Variants in PKP2 observed in about 807,000 individuals in gnomAD.
PKP2 encodes plakophilin-2.
PKP2 carries 73 observed loss-of-function variants against 83.4 expected under a neutral mutation model. The observed-to-expected ratio is 0.88, with a 90% CI of 0.72 to 1.06. PKP2 has a LOEUF of 1.06. Ranked by LOEUF, PKP2 falls within the 50% of genes least tolerant of loss-of-function variation. The pLI is 0.00. For missense variants in PKP2, 966 were observed against 1,065.4 expected (o/e 0.91, Z 1.30); for synonymous variants, 409 against 430.4 (o/e 0.95, Z 0.62).
rs1172703594 is a variant in PKP2, at chr12:32,843,316, G to A, written c.1379-2111C>T. 5.9e-6 allele frequency: 8 copies of A among 1,364,928 alleles called. No individual in the cohort carries two copies. Among genetic ancestry groups the A allele is most frequent in the Non-Finnish European group, 7.8e-6 (8 of 1,021,276 alleles). The allele number at this position is 1,364,928 out of a possible 1,614,324, so 84.6% of individuals were successfully genotyped here. On this transcript the variant is annotated intron_variant, in intron 5 of 12. Coordinates refer to ENST00000340811, the MANE Select transcript of PKP2 (RefSeq NM_001005242.3). ...ACTTCTTAAATTGACTGTATGGTCT[G>A]TACAAAGGAAAGAGGAAGCATAGGT...
chr12:32,889,310 T>C lies in PKP2; in HGVS notation c.223+7199A>G, dbSNP rs188495250. Among the ~76,000 whole-genome samples the C allele has an allele frequency of 2.5e-4, 38 of 152,350 alleles. No individual in the cohort carries two copies. The East Asian group carries it at 7.3e-3, about 29-fold the overall frequency. ...GGAATGCTGTGTTCAATAATTTTAC[T>C]CTTGCAGATAACAGTAAGAAACTGA... On this transcript the variant is annotated intron_variant, in intron 1 of 12. Transcript: ENST00000340811.
chr12:32,830,703 TC>T (rs1173882390), intron 6 of PKP2, among the ~76,000 whole-genome samples: 2 of 151,966 alleles, frequency 1.3e-5, no homozygotes, highest in African/African-American at 4.8e-5. Flanking sequence ...GGTCAGGAGT[TC>T]AAGACCGCCT....
At chr12:32,858,245 A>T (rs1956772574) in intron 4 of PKP2, among the ~76,000 whole-genome samples, 1 of 149,268 alleles carries the variant, frequency 6.7e-6, no homozygotes, top group South Asian at 2.1e-4. Context: ...TCAAGGCTGC[A>T]GTGAGCCATG....
intron 9 of PKP2, among the ~76,000 whole-genome samples, chr12:32,811,903 C>G (rs955709153): frequency 6.6e-6 from 1 of 152,156 alleles, no homozygotes; most frequent in Admixed American, 6.5e-5. Flanking sequence ...AATATCTTTA[C>G]ACCACACAGC....
At chr12:32,879,770 C>T (rs1565600096) in intron 1 of PKP2, among the ~76,000 whole-genome samples, 1 of 145,698 alleles carries the variant, frequency 6.9e-6, no homozygotes, top group East Asian at 2.0e-4. Context: ...GTGGAGGTTG[C>T]AGTGAAGCTG....
At chr12:32,848,884 C>T (rs1474956452) in intron 5 of PKP2, among the ~76,000 whole-genome samples, 1 of 151,360 alleles carries the variant, frequency 6.6e-6, no homozygotes, top group Non-Finnish European at 1.5e-5. Flanking sequence ...AAAATTAAAC[C>T]TATTATATAA....
chr12:32,809,275 G>T (rs1340640593), intron 9 of PKP2, among the ~76,000 whole-genome samples: 32 of 152,042 alleles, frequency 2.1e-4, no homozygotes, highest in Non-Finnish European at 4.4e-5. Context: ...AATGGATCAG[G>T]GTCCCACTTT....
At chr12:32,792,970 G>T (rs1956085559) in intron 11 of PKP2, 1 of 496,338 alleles carries the variant, frequency 2.0e-6, no homozygotes, top group Non-Finnish European at 3.7e-6. Flanking sequence ...TAGTTTATAG[G>T]CCAGGTGGGG....
chr12:32,793,502 A>G (rs2137700577), intron 11 of PKP2, among the ~76,000 whole-genome samples: 1 of 152,092 alleles, frequency 6.6e-6, no homozygotes, highest in South Asian at 2.1e-4. Flanking sequence ...CCCTTGTTAA[A>G]GCAGTTTCAA....
At chr12:32,851,942 C>G (rs1956700106) in intron 4 of PKP2, among the ~76,000 whole-genome samples, 1 of 152,148 alleles carries the variant, frequency 6.6e-6, no homozygotes, top group Non-Finnish European at 1.5e-5. Context: ...AGGGCACAAC[C>G]AGGAATGGGA....
chr12:32,891,347 T>A (rs1433793549), intron 1 of PKP2, among the ~76,000 whole-genome samples: 1 of 152,306 alleles, frequency 6.6e-6, no homozygotes, highest in African/African-American at 2.4e-5. Context: ...TTTATTATAT[T>A]TCATTACTAT....
In PKP2 at chr12:32,896,510, G is replaced by C. The variant is rs753180642; in HGVS notation, c.222C>G (p.Asn74Lys). The change falls in exon 1 of 13, where the codon AAC (asparagine) becomes AAG (lysine). Residue 74 changes from asparagine (N) to lysine (K), a missense_variant and splice_region_variant. By Grantham distance (94) the Asn-to-Lys change is moderately conservative. Transcript: ENST00000340811. Reference sequence around the variant, plus strand: ...CGGGGAGCGGCGGGCTCCACTCACCGTTGCCCACGGAGCTGCGGCCCTTCC... The same window carrying C: ...CGGGGAGCGGCGGGCTCCACTCACCCTTGCCCACGGAGCTGCGGCCCTTCC... ...LARKGRSSVG[N>K]GNLHRTSSVP... The C allele has an allele frequency of 2.0e-6, 3 of 1,517,916 alleles. No individual in the cohort carries two copies. The East Asian group carries it at 7.7e-5, about 39-fold the overall frequency. The allele number at this position is 1,517,916 out of a possible 1,614,324, so 94.0% of individuals were successfully genotyped here.
rs78897684 is a variant in PKP2 at position 32,824,163 on chromosome 12, C to G, written c.1557-1G>C. 5.6e-6 allele frequency: 9 copies of G among 1,605,594 alleles called. No homozygotes were observed. In the African/African-American group the frequency reaches 1.1e-4, roughly 19 times the overall value. On this transcript the variant is annotated splice_acceptor_variant, in intron 6 of 12. Transcript: ENST00000340811. LOFTEE classifies it high-confidence loss of function. ...ATCAGCGCCAGCAGAACTCATGTTT[C>G]TATCAGAAAAAACAAAAAACAAAAA... is the stretch of plus-strand genomic sequence containing the variant.
intron 4 of PKP2, among the ~76,000 whole-genome samples, chr12:32,862,261 T>A (rs1025165075): frequency 1.3e-5 from 2 of 152,148 alleles, no homozygotes; most frequent in African/African-American, 4.8e-5. Context: ...AAAATACCTT[T>A]CAAAAGCAAA....
chr12:32,798,892 C>G (rs1324604601), intron 10 of PKP2, among the ~76,000 whole-genome samples: 1 of 152,086 alleles, frequency 6.6e-6, no homozygotes, highest in Non-Finnish European at 1.5e-5. Flanking sequence ...AAAGCAAATG[C>G]AACAAAACCA....
At chr12:32,868,788 C>A in intron 4 of PKP2, 139 bp downstream of exon 4, 1 of 965,232 alleles carries the variant, frequency 1.0e-6, no homozygotes, top group South Asian at 1.4e-5. Context: ...TCCCAAAGTG[C>A]TGGGAATATA....
chr12:32,885,471 C>T (rs1037531997), intron 1 of PKP2, among the ~76,000 whole-genome samples: 9 of 152,074 alleles, frequency 5.9e-5, no homozygotes, highest in South Asian at 4.1e-4. Context: ...CTGGCCAACA[C>T]GGGGAAAGCC....
rs371756183 is a variant in PKP2 at position 32,836,851 on chromosome 12, A to G, written c.1556+4177T>C. 5.9e-5 allele frequency among the ~76,000 whole-genome samples: 9 copies of G among 152,294 alleles called. No homozygotes were observed. The East Asian group carries it at 1.7e-3, about 29-fold the overall frequency. ...GAGCAACTACTCAGCAGATACCTCTATGTCCTGGAAATCAATGCTACGTGA... is the reference window on the plus strand; with the variant it reads ...GAGCAACTACTCAGCAGATACCTCTGTGTCCTGGAAATCAATGCTACGTGA... On this transcript the variant is annotated intron_variant, in intron 6 of 12. Transcript: ENST00000340811.
At chr12:32,850,421 T>C (rs1565590044) in intron 5 of PKP2, among the ~76,000 whole-genome samples, 1 of 151,812 alleles carries the variant, frequency 6.6e-6, no homozygotes, top group African/African-American at 2.4e-5. Flanking sequence ...ATACAAAAAT[T>C]AGCCAGGTGT....
Sources: gnomAD v4.1 joint callset for allele counts (sites outside exome capture counted in the v4.1 genomes callset) on GRCh38, gnomAD v4.1.1 for gene constraint, MANE v1.5 for transcripts, NCBI Gene and HGNC (gene_info 2026-07-23, HGNC 2026-07-21) for gene names.